The following LRRC7 variants were observed in gnomAD, a reference collection of about 807,000 sequenced individuals.
LRRC7 encodes leucine-rich repeat-containing protein 7.
A neutral mutation model predicts 175.7 loss-of-function variants in LRRC7; 23 were observed. The observed-to-expected ratio is 0.13, with a 90% CI of 0.09 to 0.19. The LOEUF is 0.19. Among genes scored for constraint, LRRC7 ranks in the 10% least tolerant of loss-of-function variants. The pLI is 1.00. For missense variants in LRRC7, 1,354 were observed against 1,904.7 expected (o/e 0.71, Z 5.38); for synonymous variants, 685 against 680.9 (o/e 1.01, Z -0.09).
At chr1:70,010,791 T>C (rs1557984205) in intron 11 of LRRC7, among the ~76,000 whole-genome samples, 1 of 152,198 alleles carries the variant, frequency 6.6e-6, no homozygotes, top group Admixed American at 6.5e-5. Context: ...TTTTCCCAGC[T>C]ATCTCAAACC....
rs113275290 is a variant in LRRC7, at chr1:69,720,125, G to A, written c.101-40066G>A. Among the ~76,000 whole-genome samples the A allele has an allele frequency of 9.1e-3, 1,375 of 151,038 alleles. 22 individuals are homozygous for A. The highest frequency in any genetic ancestry group is 0.032 in the African/African-American group (1,320 of 41,314). ...ATTTATATTTATTAAAATAAACTTG[G>A]GTTTATATCTATCATGTTACTATTT... On this transcript the variant is annotated intron_variant, in intron 2 of 26. Transcript: ENST00000651989.
rs1220132844 is a variant in LRRC7, at chr1:69,568,133, G to T, written c.-507G>T. Among the ~76,000 whole-genome samples the T allele has an allele frequency of 6.6e-6, 1 of 152,136 alleles. No individual in the cohort carries two copies. The highest frequency in any genetic ancestry group is 1.5e-5 in the Non-Finnish European group (1 of 68,014). ...CGCCCGCTGCGCCCTGGCCCCTGGG[G>T]ATCCTCGCCCTGCACAGGCGCGGCA... On this transcript the variant is annotated 5_prime_UTR_variant, in exon 1 of 27. Coordinates refer to ENST00000651989, the MANE Select transcript of LRRC7 (RefSeq NM_001370785.2).
At chr1:70,042,373 G>T (rs762717005) in intron 21 of LRRC7, among the ~76,000 whole-genome samples, 1 of 152,268 alleles carries the variant, frequency 6.6e-6, no homozygotes, top group Admixed American at 6.5e-5. Context: ...ATTTAATTGG[G>T]TCATTTGAAC....
chr1:69,916,221 G>A (rs34085283), intron 7 of LRRC7, among the ~76,000 whole-genome samples: 34,973 of 60,584 alleles, frequency 0.58, 8,238 homozygotes, highest in East Asian at 0.71. Flanking sequence ...ATTTTATTAT[G>A]TATAATATAA....
At chr1:69,576,252 G>A (rs1645945085) in intron 1 of LRRC7, among the ~76,000 whole-genome samples, 1 of 121,638 alleles carries the variant, frequency 8.2e-6, no homozygotes, top group Non-Finnish European at 1.9e-5. Flanking sequence ...TACTTTGGAA[G>A]GTCCTTTAAA....
At chr1:70,033,310 C>T (rs1658962485) in intron 18 of LRRC7, among the ~76,000 whole-genome samples, 1 of 151,992 alleles carries the variant, frequency 6.6e-6, no homozygotes, top group Admixed American at 6.6e-5. Context: ...AAATAAATAC[C>T]ACATAATGAT....
chr1:69,848,297 C>T (rs1570307365), intron 7 of LRRC7, among the ~76,000 whole-genome samples: 5 of 152,072 alleles, frequency 3.3e-5, no homozygotes, highest in Admixed American at 3.3e-4. Context: ...GTCAAGTAAG[C>T]AACTGCTGAG....
chr1:69,957,592 C>T (rs1570799874), intron 8 of LRRC7, among the ~76,000 whole-genome samples: 1 of 151,672 alleles, frequency 6.6e-6, no homozygotes, highest in South Asian at 2.1e-4. Flanking sequence ...TACCAACTTT[C>T]AAAGAATTCA....
At position 69,994,441 on chromosome 1, in the gene LRRC7, A is replaced by G. The variant is rs536465744; in HGVS notation, c.932-120A>G. The stretch of plus-strand genomic sequence containing the variant: ...GTCAGTTTTATGAGTGTGTATTAGC[A>G]GAGTTTGGCCAATTAGCATGCCAAG... On this transcript the variant is annotated intron_variant, in intron 10 of 26. Coordinates refer to ENST00000651989, the MANE Select transcript of LRRC7 (RefSeq NM_001370785.2). 9.8e-5 allele frequency: 74 copies of G among 756,028 alleles called. 1 individual carries two copies. The South Asian group carries it at 1.1e-3, about 11-fold the overall frequency. 46.8% of individuals were successfully genotyped at this position (756,028 alleles called of 1,614,324 possible). A position where few individuals can be genotyped will look rare whatever the true frequency, so the allele number is the denominator to read the frequency against.
chr1:69,572,145 T>G (rs1645764019), intron 1 of LRRC7, among the ~76,000 whole-genome samples: 1 of 152,122 alleles, frequency 6.6e-6, no homozygotes, highest in Non-Finnish European at 1.5e-5. Flanking sequence ...TAATTTTTAT[T>G]GCCACGGAAA....
chr1:70,066,292 G>T (rs763835716), intron 23 of LRRC7, among the ~76,000 whole-genome samples: 9 of 151,760 alleles, frequency 5.9e-5, no homozygotes, highest in Non-Finnish European at 1.0e-4. Flanking sequence ...AGAAATCTTA[G>T]GTACCTTGCA....
chr1:70,078,363 T>A (rs2102136371), intron 24 of LRRC7, among the ~76,000 whole-genome samples: 1 of 152,304 alleles, frequency 6.6e-6, no homozygotes, highest in East Asian at 1.9e-4. Context: ...TATTGGCACA[T>A]TGTCATGTGC....
At chr1:69,690,467 A>G (rs1661714916) in intron 2 of LRRC7, among the ~76,000 whole-genome samples, 1 of 152,222 alleles carries the variant, frequency 6.6e-6, no homozygotes, top group South Asian at 2.1e-4. Flanking sequence ...CAACTACTAC[A>G]TATTTTTGAC....
chr1:69,885,028 T>C (rs1234086437), intron 7 of LRRC7, among the ~76,000 whole-genome samples: 4 of 143,658 alleles, frequency 2.8e-5, no homozygotes, highest in South Asian at 2.3e-4. Flanking sequence ...CAGTATTTTA[T>C]TGAGGATTTT....
At chr1:70,053,296 G>GTA (rs1302269026) in intron 23 of LRRC7, 151 bp downstream of exon 23, 7 of 669,552 alleles carry the variant, frequency 1.0e-5, no homozygotes, top group Middle Eastern at 2.7e-4. Flanking sequence ...TTGACTGTAA[G>GTA]TACATTGAAA....
chr1:69,931,409 C>A, intron 7 of LRRC7, 98 bp from the exon 8 acceptor site: 1 of 901,866 alleles, frequency 1.1e-6, no homozygotes, highest in Non-Finnish European at 1.8e-6. Flanking sequence ...TTGTGTACTA[C>A]GCAATCAGGT....
intron 7 of LRRC7, among the ~76,000 whole-genome samples, chr1:69,865,245 A>G (rs1269687040): frequency 1.3e-5 from 2 of 152,076 alleles, no homozygotes; most frequent in African/African-American, 4.8e-5. Flanking sequence ...CAAGATGGTC[A>G]ATACGACATC....
At chr1:70,062,261 G>T (rs1661636862) in intron 23 of LRRC7, among the ~76,000 whole-genome samples, 1 of 152,096 alleles carries the variant, frequency 6.6e-6, no homozygotes, top group Non-Finnish European at 1.5e-5. Context: ...AAAATGCACT[G>T]TTGAGGTTGT....
intron 1 of LRRC7, among the ~76,000 whole-genome samples, chr1:69,620,269 ATT>A (rs5774987): frequency 1.5e-4 from 23 of 151,746 alleles, no homozygotes; most frequent in East Asian, 1.2e-3. Context: ...AACTATTTAC[ATT>A]TTTTTTTTAC....
Sources: allele counts gnomAD v4.1 joint callset (sites outside exome capture counted in the v4.1 genomes callset), GRCh38; gene constraint gnomAD v4.1.1; transcripts MANE v1.5; gene names NCBI Gene and HGNC (gene_info 2026-07-23, HGNC 2026-07-21).